The following SDC2 variants were observed in gnomAD, a reference collection of about 807,000 sequenced individuals.
SDC2 encodes syndecan 2.
SDC2 carries 13 observed loss-of-function variants against 22.2 expected under a neutral mutation model. That is an observed-to-expected ratio of 0.59 (90% CI 0.38 to 0.93). SDC2 has a LOEUF of 0.93. Among genes scored for constraint, SDC2 ranks in the 40% least tolerant of loss-of-function variants. The pLI is 0.00. For missense variants in SDC2, 235 were observed against 246.8 expected (o/e 0.95, Z 0.32); for synonymous variants, 94 against 92.8 (o/e 1.01, Z -0.07).
chr8:96,505,721 G>A (rs1194907205), intron 1 of SDC2, among the ~76,000 whole-genome samples: 1 of 152,182 alleles, frequency 6.6e-6, no homozygotes, highest in Non-Finnish European at 1.5e-5. Context: ...TTGATTATTA[G>A]ATTTGATTAG....
chr8:96,528,847 T>C (rs1340910990), intron 1 of SDC2, among the ~76,000 whole-genome samples: 1 of 152,232 alleles, frequency 6.6e-6, no homozygotes, highest in Non-Finnish European at 1.5e-5. Context: ...ATGAGGCATC[T>C]TATGTAACAG....
At chr8:96,534,248 G>A (rs533579870) in intron 1 of SDC2, among the ~76,000 whole-genome samples, 1 of 152,346 alleles carries the variant, frequency 6.6e-6, no homozygotes, top group South Asian at 2.1e-4. Context: ...AGCCCAGAAG[G>A]GGGCCCCCAC....
chr8:96,500,566 G>A (rs1207643119), intron 1 of SDC2, among the ~76,000 whole-genome samples: 1 of 149,986 alleles, frequency 6.7e-6, no homozygotes, highest in African/African-American at 2.5e-5. Flanking sequence ...GGAGGCTGAG[G>A]CAGGAGAATT....
chr8:96,565,769 G>A lies in SDC2; in HGVS notation c.61-27711G>A, dbSNP rs1374264776. On this transcript the variant is annotated intron_variant, in intron 1 of 4. Transcript: ENST00000302190. The stretch of plus-strand genomic sequence containing the variant: ...AGGCTGGGTAGATAACTGCAATAAA[G>A]AGATTGAATGTAACGGCGTTCCTCC... Among the ~76,000 whole-genome samples, 3 of 152,286 alleles carry A rather than the reference G, an allele frequency of 2.0e-5. No individual in the cohort carries two copies. In the South Asian group the frequency reaches 6.2e-4, roughly 32 times the overall value.
At chr8:96,563,906 C>T (rs992159222) in intron 1 of SDC2, among the ~76,000 whole-genome samples, 3 of 152,190 alleles carry the variant, frequency 2.0e-5, no homozygotes, top group African/African-American at 7.2e-5. Flanking sequence ...TGGGTGAGGA[C>T]ACTTACATAT....
Position 96,609,739 on chromosome 8 carries a change from C to G in SDC2, c.*191C>G. 2.4e-6 allele frequency: 1 copy of G among 424,708 alleles called. No homozygotes were observed. The highest frequency in any genetic ancestry group is 4.1e-6 in the Non-Finnish European group (1 of 244,694). The allele number at this position is 424,708 out of a possible 1,614,324, so 26.3% of individuals were successfully genotyped here. On this transcript the variant is annotated 3_prime_UTR_variant, in exon 5 of 5. Coordinates refer to ENST00000302190, the MANE Select transcript of SDC2 (RefSeq NM_002998.4). ...ACAACATAAAATTAAAATTTAACATCTGCAGTGTTCTGTGAATAGCAGTGG... is the reference window on the plus strand; with the variant it reads ...ACAACATAAAATTAAAATTTAACATGTGCAGTGTTCTGTGAATAGCAGTGG...
In SDC2 at chr8:96,564,336, T is replaced by G. The variant is rs555702283; in HGVS notation, c.61-29144T>G. 3.9e-5 allele frequency among the ~76,000 whole-genome samples: 6 copies of G among 152,342 alleles called. No homozygotes were observed. The South Asian group carries it at 1.2e-3, about 32-fold the overall frequency. ...TATAGCCTATTAAAGGCACTTGATT[T>G]GAGTACTTTCAACTTTGCAGGGGGA... On this transcript the variant is annotated intron_variant, in intron 1 of 4. Coordinates refer to ENST00000302190, the MANE Select transcript of SDC2 (RefSeq NM_002998.4).
chr8:96,601,960 A>C (rs1814995982), intron 2 of SDC2, among the ~76,000 whole-genome samples: 1 of 152,046 alleles, frequency 6.6e-6, no homozygotes, highest in African/African-American at 2.4e-5. Flanking sequence ...AGGTTTCACC[A>C]TATAGGCCAG....
chr8:96,552,571 A>G (rs1357504861), intron 1 of SDC2, among the ~76,000 whole-genome samples: 1 of 152,224 alleles, frequency 6.6e-6, no homozygotes, highest in Non-Finnish European at 1.5e-5. Context: ...ACTCTGATTC[A>G]GTATCATTGT....
chr8:96,588,099 A>G (rs1036217971), intron 1 of SDC2, among the ~76,000 whole-genome samples: 2 of 152,120 alleles, frequency 1.3e-5, no homozygotes, highest in Non-Finnish European at 2.9e-5. Flanking sequence ...GTCTGATGTC[A>G]CTCATGTTGT....
At chr8:96,509,798 A>G (rs1212725040) in intron 1 of SDC2, among the ~76,000 whole-genome samples, 1 of 152,176 alleles carries the variant, frequency 6.6e-6, no homozygotes, top group Non-Finnish European at 1.5e-5. Flanking sequence ...ATTAAGCCCC[A>G]TGTAATGAGG....
chr8:96,561,769 T>C (rs1304015523), intron 1 of SDC2, among the ~76,000 whole-genome samples: 1 of 152,046 alleles, frequency 6.6e-6, no homozygotes, highest in Non-Finnish European at 1.5e-5. Context: ...AGAACAAAAC[T>C]CAGAGGTGCT....
intron 1 of SDC2, among the ~76,000 whole-genome samples, chr8:96,555,697 A>G (rs958029782): frequency 6.6e-6 from 1 of 152,180 alleles, no homozygotes; most frequent in Non-Finnish European, 1.5e-5. Context: ...TTTTCAGAAA[A>G]TGGGGCCACT....
At chr8:96,504,343 T>A (rs16894650) in intron 1 of SDC2, among the ~76,000 whole-genome samples, 5,381 of 152,250 alleles carry the variant, frequency 0.035, 156 homozygotes, top group East Asian at 0.16. Context: ...AGATTCTAAT[T>A]CATATGGAGT....
chr8:96,523,554 G>A (rs181701040), intron 1 of SDC2, among the ~76,000 whole-genome samples: 352 of 152,248 alleles, frequency 2.3e-3, no homozygotes, highest in Non-Finnish European at 3.6e-3. Context: ...ATGTGGAAAG[G>A]TGATTAGTTT....
chr8:96,545,709 C>T (rs766586199), intron 1 of SDC2, among the ~76,000 whole-genome samples: 4 of 152,154 alleles, frequency 2.6e-5, no homozygotes, highest in Non-Finnish European at 4.4e-5. Flanking sequence ...CCTTCCACCC[C>T]GACCCTGAAA....
intron 1 of SDC2, among the ~76,000 whole-genome samples, chr8:96,519,551 CCT>C (rs1328587165): frequency 1.3e-5 from 2 of 151,890 alleles, no homozygotes; most frequent in African/African-American, 2.4e-5. Context: ...TTTAATGAAA[CCT>C]CTTTTATCTT....
intron 3 of SDC2, among the ~76,000 whole-genome samples, chr8:96,604,543 A>G (rs567755624): frequency 3.9e-5 from 6 of 152,324 alleles, no homozygotes; most frequent in Admixed American, 3.3e-4. Context: ...TTTGCTGTTT[A>G]TGTGGTACAG....
chr8:96,499,689 T>G (rs1054127311), intron 1 of SDC2, among the ~76,000 whole-genome samples: 1 of 151,902 alleles, frequency 6.6e-6, no homozygotes, highest in Non-Finnish European at 1.5e-5. Context: ...GAAGATGAAA[T>G]GAAGGGAGCA....
Sources: allele counts gnomAD v4.1 joint callset (sites outside exome capture counted in the v4.1 genomes callset), GRCh38; gene constraint gnomAD v4.1.1; transcripts MANE v1.5; gene names NCBI Gene and HGNC (gene_info 2026-07-23, HGNC 2026-07-21).